Variants in EEPD1 observed in about 807,000 individuals in gnomAD.
EEPD1 encodes the protein endonuclease/exonuclease/phosphatase family domain-containing protein 1.
Under a neutral mutation model 46.3 loss-of-function variants are expected in EEPD1, and 17 were observed. The observed-to-expected ratio is 0.37, with a 90% CI of 0.25 to 0.55. EEPD1 has a LOEUF of 0.55. EEPD1 is among the 20% of genes least tolerant of loss of function. EEPD1 has a pLI of 0.83. For missense variants in EEPD1, 673 were observed against 745.6 expected, an observed-to-expected ratio of 0.90 and a Z score of 1.13; for synonymous variants, 313 against 315.6, an observed-to-expected ratio of 0.99 and a Z score of 0.09.
intron 3 of EEPD1, among the ~76,000 whole-genome samples, chr7:36,253,138 G>A (rs1786776873): frequency 6.6e-6 from 1 of 151,968 alleles, no homozygotes; most frequent in East Asian, 1.9e-4. Flanking sequence ...TAGCTAGTAT[G>A]TTGTATCTTA....
intron 2 of EEPD1, among the ~76,000 whole-genome samples, chr7:36,221,516 A>G (rs1261150700): frequency 6.6e-6 from 1 of 152,246 alleles, no homozygotes; most frequent in African/African-American, 2.4e-5. Context: ...AATAATAATA[A>G]CAGGGACACT....
chr7:36,295,232 G>A (rs546801240), intron 6 of EEPD1, among the ~76,000 whole-genome samples: 33 of 151,956 alleles, frequency 2.2e-4, no homozygotes, highest in South Asian at 4.2e-4. Flanking sequence ...GCATCTTGTC[G>A]TGTCAGAAGG....
At chr7:36,210,643 C>G (rs1785911154) in intron 2 of EEPD1, among the ~76,000 whole-genome samples, 1 of 152,204 alleles carries the variant, frequency 6.6e-6, no homozygotes. Flanking sequence ...CCCTCACTCT[C>G]TTGCTCTCCC....
At chr7:36,172,102 C>G (rs575905366) in intron 2 of EEPD1, among the ~76,000 whole-genome samples, 1 of 152,288 alleles carries the variant, frequency 6.6e-6, no homozygotes, top group South Asian at 2.1e-4. Context: ...GCTCTTCTGT[C>G]TTACTGTGGT....
intron 2 of EEPD1, among the ~76,000 whole-genome samples, chr7:36,160,942 G>C (rs1784894644): frequency 6.6e-6 from 1 of 152,176 alleles, no homozygotes; most frequent in African/African-American, 2.4e-5. Flanking sequence ...ACATGCCTCT[G>C]TATTATTTTA....
At position 36,281,231 on chromosome 7, in the gene EEPD1, C is replaced by G. The variant is rs1459892486; in HGVS notation, c.1041+6C>G. The G allele has an allele frequency of 1.2e-6, 2 of 1,611,754 alleles. No homozygotes were observed. The highest frequency in any genetic ancestry group is 2.7e-5 in the African/African-American group (2 of 74,904). On this transcript the variant is annotated splice_donor_region_variant and intron_variant, in intron 4 of 7. Transcript: ENST00000242108. The stretch of plus-strand genomic sequence containing the variant: ...CCTCGAGTCAGCTCCAGAAGGTACC[C>G]TCGTCTGCAAAGCCTGGCCTTTCCC...
chr7:36,193,486 AG>A lies in EEPD1; in HGVS notation c.878+38286del. ...TCCCCCGGGGAGTGCGGTCCCCTGAAGGCAGAGGCAGAGGGAGGCCATGGGA... is the reference window on the plus strand; with the variant it reads ...TCCCCCGGGGAGTGCGGTCCCCTGAAGCAGAGGCAGAGGGAGGCCATGGGA... On this transcript the variant is annotated intron_variant, in intron 2 of 7. Coordinates refer to ENST00000242108, the MANE Select transcript of EEPD1 (RefSeq NM_030636.3). The surrounding 1 kb of genome is among the most constrained non-coding windows in gnomAD (Gnocchi z 4.9). Among the ~76,000 whole-genome samples the A allele has an allele frequency of 6.6e-6, 1 of 152,126 alleles. No individual in the cohort carries two copies. Among genetic ancestry groups the A allele is most frequent in the Non-Finnish European group, 1.5e-5 (1 of 67,998 alleles).
chr7:36,203,544 G>A (rs1350945619), intron 2 of EEPD1, among the ~76,000 whole-genome samples: 3 of 152,156 alleles, frequency 2.0e-5, no homozygotes, highest in Admixed American at 1.3e-4. Flanking sequence ...AAGGTAATTA[G>A]CTGTTATGGA....
intron 3 of EEPD1, among the ~76,000 whole-genome samples, chr7:36,273,246 T>C (rs1178326455): frequency 2.0e-5 from 3 of 152,100 alleles, no homozygotes; most frequent in Non-Finnish European, 2.9e-5. Context: ...TCGTCGTGTG[T>C]CGAATGGGAC....
intron 2 of EEPD1, among the ~76,000 whole-genome samples, chr7:36,198,218 T>G (rs1367052837): frequency 6.6e-6 from 1 of 150,944 alleles, no homozygotes; most frequent in Admixed American, 6.6e-5. Context: ...GGCAACAGTG[T>G]GGGAGATTGA....
At chr7:36,188,756 TA>T (rs34175910) in intron 2 of EEPD1, among the ~76,000 whole-genome samples, 13 of 151,174 alleles carry the variant, frequency 8.6e-5, no homozygotes, top group African/African-American at 2.4e-4. Context: ...TGGTTTGCAT[TA>T]AAAAAAAATT....
chr7:36,286,035 C>T (rs1384404201), intron 5 of EEPD1, among the ~76,000 whole-genome samples: 1 of 152,118 alleles, frequency 6.6e-6, no homozygotes, highest in African/African-American at 2.4e-5. Flanking sequence ...CTCCTAACAC[C>T]ACCCTGGGCC....
At chr7:36,217,604 T>A (rs751763650) in intron 2 of EEPD1, among the ~76,000 whole-genome samples, 2 of 152,184 alleles carry the variant, frequency 1.3e-5, no homozygotes, top group Non-Finnish European at 2.9e-5. Flanking sequence ...CAGCCCCTAT[T>A]CAAGATGGAG....
chr7:36,191,852 G>A (rs1785466453), intron 2 of EEPD1, among the ~76,000 whole-genome samples: 1 of 152,212 alleles, frequency 6.6e-6, no homozygotes, highest in African/African-American at 2.4e-5. Flanking sequence ...GAGCTATCAT[G>A]GACCAGGAAC....
At chr7:36,185,504 T>C (rs1456953538) in intron 2 of EEPD1, among the ~76,000 whole-genome samples, 1 of 152,206 alleles carries the variant, frequency 6.6e-6, no homozygotes. Flanking sequence ...AAATTTCTCT[T>C]GGGAATATAT....
chr7:36,301,387 G>A lies in EEPD1; in HGVS notation c.*2181G>A, dbSNP rs184144145. 2.6e-5 allele frequency: 4 copies of A among 152,316 alleles called. No homozygotes were observed. In the East Asian group the frequency reaches 7.7e-4, roughly 29 times the overall value. The allele number at this position is 152,316 out of a possible 1,614,324, so 9.4% of individuals were successfully genotyped here. A position where few individuals can be genotyped will look rare whatever the true frequency, so the allele number is the denominator to read the frequency against. On this transcript the variant is annotated 3_prime_UTR_variant, in exon 8 of 8. Coordinates refer to ENST00000242108, the MANE Select transcript of EEPD1 (RefSeq NM_030636.3). ...TGTTTACAGAAAAATTAGGCACAAA[G>A]GGATTCCCATATCCCTCCTCTTCTT... is the stretch of plus-strand genomic sequence containing the variant.
chr7:36,201,136 A>C (rs1174887555), intron 2 of EEPD1, among the ~76,000 whole-genome samples: 1 of 152,130 alleles, frequency 6.6e-6, no homozygotes, highest in African/African-American at 2.4e-5. Flanking sequence ...TCTACAAATA[A>C]CTGACCAGTA....
chr7:36,266,050 T>C (rs1223205774), intron 3 of EEPD1, among the ~76,000 whole-genome samples: 2 of 152,166 alleles, frequency 1.3e-5, no homozygotes, highest in East Asian at 3.8e-4. Flanking sequence ...TGGAAGGGCA[T>C]GTCTGGTGCA....
In EEPD1 at chr7:36,243,798, C is replaced by CA. The variant is rs1190199312; in HGVS notation, c.930+4768dup. ...CATTCTCAGTAAACTATCGCAAGGA[C>CA]AAAAAACCAAACACCGCATGTTCTC... is the stretch of plus-strand genomic sequence containing the variant. On this transcript the variant is annotated intron_variant, in intron 3 of 7. Coordinates refer to ENST00000242108, the MANE Select transcript of EEPD1 (RefSeq NM_030636.3). Among the ~76,000 whole-genome samples the CA allele has an allele frequency of 4.8e-5, 7 of 144,950 alleles. No individual in the cohort carries two copies. In the East Asian group the frequency reaches 1.4e-3, roughly 30 times the overall value.
Sources: gnomAD v4.1 joint callset for allele counts (sites outside exome capture counted in the v4.1 genomes callset) on GRCh38, gnomAD v4.1.1 for gene constraint, Gnocchi (gnomAD v3.1) non-coding constraint, MANE v1.5 for transcripts, NCBI Gene and HGNC (gene_info 2026-07-23, HGNC 2026-07-21) for gene names.